SCMH1: variants seen among roughly 807,000 people sequenced by gnomAD.
SCMH1 encodes Scm polycomb group protein homolog 1, also known as polycomb protein SCMH1.
Under a neutral mutation model 70.8 loss-of-function variants are expected in SCMH1, and 37 were observed. That is an observed-to-expected ratio of 0.52 (90% CI 0.40 to 0.69). SCMH1 has a LOEUF of 0.69. SCMH1 is among the 30% of genes least tolerant of loss of function. The pLI is 0.00. For synonymous variants in SCMH1, 292 were observed against 307.4 expected (o/e 0.95, Z 0.52); for missense variants, 607 against 827.3 (o/e 0.73, Z 3.27).
Position 41,131,309 on chromosome 1 carries a change from G to A in SCMH1, c.412+11569C>T, listed in dbSNP as rs1005723580. 2.0e-5 allele frequency among the ~76,000 whole-genome samples: 3 copies of A among 152,110 alleles called. 1 individual carries two copies. On this transcript the variant is annotated intron_variant, in intron 6 of 14. Coordinates refer to ENST00000337495, the Ensembl canonical transcript of SCMH1. ...GTACTATAGCTTTGTAGTAAGTTTT[G>A]AAATCAGAAAATGTGAGTCCTCCAC... is the stretch of plus-strand genomic sequence containing the variant.
chr1:41,176,189 C>CAA (rs61348122), intron 2 of SCMH1, among the ~76,000 whole-genome samples: 2 of 109,972 alleles, frequency 1.8e-5, no homozygotes, highest in African/African-American at 3.9e-5. Context: ...CCAAAAAAAA[C>CAA]AAAAAAAAAA....
intron 4 of SCMH1, chr1:41,159,838 G>A: frequency 1.5e-6 from 2 of 1,360,722 alleles, no homozygotes; most frequent in Non-Finnish European, 1.9e-6. Context: ...CCGCTGAACA[G>A]AATGAAAATC....
chr1:41,059,327 A>G (rs1651738623), intron 10 of SCMH1, among the ~76,000 whole-genome samples: 1 of 152,080 alleles, frequency 6.6e-6, no homozygotes, highest in Non-Finnish European at 1.5e-5. Flanking sequence ...CTTATCCTGT[A>G]CCCATATAAA....
chr1:41,045,786 G>C (rs1646823437), intron 12 of SCMH1: 1 of 152,360 alleles, frequency 6.6e-6, no homozygotes, highest in East Asian at 1.9e-4. Flanking sequence ...GAGACGCAGA[G>C]TTCCATTGAA....
chr1:41,031,478 G>T (rs1302254687), intron 13 of SCMH1, among the ~76,000 whole-genome samples: 1 of 152,182 alleles, frequency 6.6e-6, no homozygotes, highest in Non-Finnish European at 1.5e-5. Context: ...GCCTAGTCCA[G>T]CCCCTTTTGG....
chr1:41,065,923 C>A (rs949675239), intron 10 of SCMH1, among the ~76,000 whole-genome samples: 1 of 152,082 alleles, frequency 6.6e-6, no homozygotes, highest in African/African-American at 2.4e-5. Flanking sequence ...TTTAGATAAG[C>A]CCCAGCAGAA....
intron 2 of SCMH1, among the ~76,000 whole-genome samples, chr1:41,176,168 CA>C (rs1188424798): frequency 4.6e-5 from 2 of 43,748 alleles, no homozygotes; most frequent in Admixed American, 2.5e-4. Flanking sequence ...AGACTTGTCT[CA>C]AAAAAAAAAC....
At chr1:41,070,415 C>T (rs564580765) in intron 10 of SCMH1, among the ~76,000 whole-genome samples, 180 bp downstream of exon 10, 1 of 152,126 alleles carries the variant, frequency 6.6e-6, no homozygotes. Context: ...CCTGAGTTCA[C>T]AGAAAATTTA....
At chr1:41,188,421 T>C (rs1161733463) in intron 1 of SCMH1, among the ~76,000 whole-genome samples, 1 of 152,228 alleles carries the variant, frequency 6.6e-6, no homozygotes, top group Admixed American at 6.5e-5. Context: ...ATGTTCAATA[T>C]TCCTGTTGTC....
intron 1 of SCMH1, among the ~76,000 whole-genome samples, chr1:41,196,653 G>C (rs986233035): frequency 1.3e-5 from 2 of 152,070 alleles, no homozygotes; most frequent in Admixed American, 1.3e-4. Flanking sequence ...ATGACTATAG[G>C]ATATGACAGA....
In SCMH1 at chr1:41,159,053, T is replaced by C. The variant is rs192462544; in HGVS notation, c.106+1822A>G. 1.6e-4 allele frequency among the ~76,000 whole-genome samples: 25 copies of C among 152,288 alleles called. No individual in the cohort carries two copies. In the East Asian group the frequency reaches 4.4e-3, roughly 27 times the overall value. ...TCAAGATAAGACATTTTACAAAAAA[T>C]TCAAAATGTTGAGTTTTAAATGCTG... On this transcript the variant is annotated intron_variant, in intron 4 of 14. Transcript: ENST00000337495.
rs549798964 is a variant in SCMH1, at chr1:41,183,905, G to C, written c.13+2216C>G. On this transcript the variant is annotated intron_variant, in intron 2 of 14. Transcript: ENST00000337495. ...AGAATGTATTATTTTTTCTACTACA[G>C]ATTTACCAGTTCAGTCATGCTTTAC... Among the ~76,000 whole-genome samples, 15 of 152,092 alleles carry C rather than the reference G, an allele frequency of 9.9e-5. No homozygotes were observed. The East Asian group carries it at 2.7e-3, about 27-fold the overall frequency.
chr1:41,138,623 CT>C (rs977182227), intron 6 of SCMH1, among the ~76,000 whole-genome samples: 2 of 151,724 alleles, frequency 1.3e-5, no homozygotes, highest in African/African-American at 2.4e-5. Context: ...ATAATTTTGT[CT>C]TTTTTTTCTT....
At chr1:41,125,893 C>T (rs1051982951) in intron 6 of SCMH1, among the ~76,000 whole-genome samples, 2 of 152,138 alleles carry the variant, frequency 1.3e-5, no homozygotes, top group African/African-American at 2.4e-5. Flanking sequence ...ATCAAGGTGT[C>T]GTCATTGCTA....
At chr1:41,236,692 A>G (rs532505856) in intron 1 of SCMH1, among the ~76,000 whole-genome samples, 21 of 141,672 alleles carry the variant, frequency 1.5e-4, no homozygotes, top group Non-Finnish European at 2.7e-4. Flanking sequence ...ATATTTGCAT[A>G]TGATCTACAC....
At chr1:41,035,025 C>T (rs1017784625) in intron 13 of SCMH1, among the ~76,000 whole-genome samples, 21 of 152,348 alleles carry the variant, frequency 1.4e-4, no homozygotes, top group African/African-American at 4.3e-4. Context: ...CTGTCTGATT[C>T]TTGCAATCCC....
intron 10 of SCMH1, among the ~76,000 whole-genome samples, chr1:41,061,721 A>G (rs916837747): frequency 1.3e-5 from 2 of 152,244 alleles, no homozygotes; most frequent in Non-Finnish European, 2.9e-5. Context: ...CCCTCAATCA[A>G]CTGAAATATA....
intron 10 of SCMH1, among the ~76,000 whole-genome samples, chr1:41,065,887 G>A (rs1323348259): frequency 1.3e-5 from 2 of 152,090 alleles, no homozygotes; most frequent in African/African-American, 4.8e-5. Flanking sequence ...AGAAAATCTA[G>A]ATGACCTTGG....
chr1:41,227,679 TA>T (rs1660527405), intron 1 of SCMH1, among the ~76,000 whole-genome samples: 1 of 152,114 alleles, frequency 6.6e-6, no homozygotes, highest in Non-Finnish European at 1.5e-5. Context: ...AAGACAGTTA[TA>T]GGTAAAGAAA....
Sources: gnomAD v4.1 joint callset for allele counts (sites outside exome capture counted in the v4.1 genomes callset) on GRCh38, gnomAD v4.1.1 for gene constraint, MANE v1.5 for transcripts, NCBI Gene and HGNC (gene_info 2026-07-23, HGNC 2026-07-21) for gene names.